Variants in PTPRD observed in about 807,000 individuals in gnomAD.
PTPRD encodes the protein receptor-type tyrosine-protein phosphatase delta.
PTPRD carries 34 observed loss-of-function variants against 214.5 expected under a neutral mutation model. The observed-to-expected ratio is 0.16, with a 90% CI of 0.12 to 0.21. The LOEUF is 0.21. Among genes scored for constraint, PTPRD ranks in the 10% least tolerant of loss-of-function variants. The pLI is 1.00. For missense variants in PTPRD, 2,545 were observed against 2,398.7 expected (o/e 1.06, Z -1.27); for synonymous variants, 1,128 against 845.7 (o/e 1.33, Z -5.79).
chr9:10,278,944 T>G (rs1428379571), intron 3 of PTPRD, among the ~76,000 whole-genome samples: 1 of 151,932 alleles, frequency 6.6e-6, no homozygotes, highest in Admixed American at 6.6e-5. Context: ...CAGGCTAATT[T>G]TTTGTATTTT....
chr9:8,762,682 C>T (rs558251274), intron 11 of PTPRD, among the ~76,000 whole-genome samples: 1 of 152,238 alleles, frequency 6.6e-6, no homozygotes, highest in African/African-American at 2.4e-5. Context: ...TATGGGTTTT[C>T]TCCTAACTTC....
At chr9:8,323,869 T>C (rs1241204714) in intron 44 of PTPRD, among the ~76,000 whole-genome samples, 3 of 152,194 alleles carry the variant, frequency 2.0e-5, no homozygotes, top group Non-Finnish European at 4.4e-5. Context: ...AGTTCTACTG[T>C]GAGTAAAATG....
At chr9:9,805,492 C>T (rs963059567) in intron 5 of PTPRD, among the ~76,000 whole-genome samples, 1 of 152,034 alleles carries the variant, frequency 6.6e-6, no homozygotes, top group East Asian at 1.9e-4. Context: ...GAAAACAGAT[C>T]CAATGTAAAT....
chr9:8,343,742 A>T (rs1157773683), intron 39 of PTPRD, among the ~76,000 whole-genome samples: 1 of 151,748 alleles, frequency 6.6e-6, no homozygotes, highest in East Asian at 1.9e-4. Context: ...GAACTGCATT[A>T]AAAAAAATAT....
chr9:8,928,230 G>A (rs929018286), intron 11 of PTPRD, among the ~76,000 whole-genome samples: 2 of 152,188 alleles, frequency 1.3e-5, no homozygotes, highest in African/African-American at 4.8e-5. Flanking sequence ...GTCAATTATG[G>A]CTTTTGTTGC....
chr9:8,557,947 T>C (rs2084640355), intron 14 of PTPRD, among the ~76,000 whole-genome samples: 1 of 151,972 alleles, frequency 6.6e-6, no homozygotes, highest in Non-Finnish European at 1.5e-5. Flanking sequence ...AATTTTTTTG[T>C]CTCCTTTAAG....
intron 2 of PTPRD, among the ~76,000 whole-genome samples, chr9:10,541,911 T>C (rs1366538901): frequency 3.3e-5 from 5 of 152,102 alleles, no homozygotes; most frequent in Admixed American, 3.3e-4. Context: ...TGATTGTGTA[T>C]TTTCCCCTGG....
chr9:9,068,153 C>T (rs117034123), intron 10 of PTPRD, among the ~76,000 whole-genome samples: 2,375 of 152,072 alleles, frequency 0.016, 28 homozygotes, highest in Non-Finnish European at 0.022. Flanking sequence ...CGAGATTCAT[C>T]CAAATTGTTG....
chr9:9,290,393 C>A (rs144491465), intron 9 of PTPRD, among the ~76,000 whole-genome samples: 1 of 151,480 alleles, frequency 6.6e-6, no homozygotes, highest in African/African-American at 2.4e-5. Flanking sequence ...ATATTTTCTC[C>A]CATTTTGTAT....
chr9:9,761,883 G>C (rs1269693993), intron 6 of PTPRD, among the ~76,000 whole-genome samples: 2 of 151,918 alleles, frequency 1.3e-5, no homozygotes, highest in Non-Finnish European at 2.9e-5. Context: ...TCTTTATTTT[G>C]ATCATGTTTG....
chr9:10,214,366 T>G (rs2099531029), intron 3 of PTPRD, among the ~76,000 whole-genome samples: 1 of 151,570 alleles, frequency 6.6e-6, no homozygotes, highest in Admixed American at 6.6e-5. Flanking sequence ...AACCTCTACC[T>G]CCTGGGTTCA....
intron 35 of PTPRD, among the ~76,000 whole-genome samples, chr9:8,431,831 T>C (rs970221965): frequency 6.6e-6 from 1 of 152,232 alleles, no homozygotes; most frequent in African/African-American, 2.4e-5. Context: ...ATCAGGATGA[T>C]GCTGGCCTCA....
rs376295179 is a variant in PTPRD, at chr9:9,888,829, A to G, written c.-368+49678T>C. ...AGATAGGGAAGACAAAGAGTATTGT[A>G]GAGAAACTGACCCAACACCCTGATT... On this transcript the variant is annotated intron_variant, in intron 5 of 45. Coordinates refer to ENST00000381196, the MANE Select transcript of PTPRD (RefSeq NM_002839.4). Among the ~76,000 whole-genome samples the G allele has an allele frequency of 1.1e-4, 17 of 152,252 alleles. No individual in the cohort carries two copies. The East Asian group carries it at 1.5e-3, about 14-fold the overall frequency.
intron 14 of PTPRD, among the ~76,000 whole-genome samples, chr9:8,607,595 A>G (rs1448206508): frequency 2.0e-5 from 3 of 152,156 alleles, no homozygotes; most frequent in Non-Finnish European, 2.9e-5. Flanking sequence ...CTGAGCCAAG[A>G]CTGCGCCACT....
At chr9:9,907,765 A>G (rs1306875175) in intron 5 of PTPRD, among the ~76,000 whole-genome samples, 2 of 151,936 alleles carry the variant, frequency 1.3e-5, no homozygotes, top group African/African-American at 2.4e-5. Context: ...TAATCATACA[A>G]TTCTCCTAAC....
chr9:10,242,459 T>C (rs1329722256), intron 3 of PTPRD, among the ~76,000 whole-genome samples: 1 of 151,970 alleles, frequency 6.6e-6, no homozygotes, highest in Non-Finnish European at 1.5e-5. Context: ...TTGGATACTA[T>C]GATTCATATG....
chr9:9,376,179 T>C (rs537070945), intron 9 of PTPRD, among the ~76,000 whole-genome samples: 6 of 152,262 alleles, frequency 3.9e-5, no homozygotes, highest in South Asian at 2.1e-4. Context: ...GTTGAGTGTA[T>C]GGGCTTGAAA....
At position 10,546,758 on chromosome 9, in the gene PTPRD, A is replaced by G. The variant is rs143671009; in HGVS notation, c.-600+65640T>C. ...AAGGGTTCTAGCAACATATAAAAGT[A>G]TAGTTTGCAAGAGGTACATATGAAT... On this transcript the variant is annotated intron_variant, in intron 2 of 45. Coordinates refer to ENST00000381196, the MANE Select transcript of PTPRD (RefSeq NM_002839.4). Among the ~76,000 whole-genome samples the G allele has an allele frequency of 1.7e-4, 26 of 152,236 alleles. 2 individuals are homozygous for G. The East Asian group carries it at 2.9e-3, about 17-fold the overall frequency.
At chr9:8,504,742 A>C (rs2097503989) in intron 22 of PTPRD, among the ~76,000 whole-genome samples, 1 of 152,180 alleles carries the variant, frequency 6.6e-6, no homozygotes. Flanking sequence ...TGTTGCTGTG[A>C]CACAGATCAC....
Sources: allele counts gnomAD v4.1 joint callset (sites outside exome capture counted in the v4.1 genomes callset), GRCh38; gene constraint gnomAD v4.1.1; transcripts MANE v1.5; gene names NCBI Gene and HGNC (gene_info 2026-07-23, HGNC 2026-07-21).